The following RTN4 variants were observed in gnomAD, a reference collection of about 807,000 sequenced individuals.
The protein encoded by RTN4 is reticulon-4.
Under a neutral mutation model 90.4 loss-of-function variants are expected in RTN4, and 32 were observed. That is an observed-to-expected ratio of 0.35 (90% CI 0.27 to 0.48). The LOEUF (loss-of-function observed/expected upper bound fraction) is 0.48. Among genes scored for constraint, RTN4 ranks in the 20% least tolerant of loss-of-function variants. The probability of loss-of-function intolerance (pLI) is 0.99; values close to 1 mark genes in which losing one functional copy is unlikely to be tolerated. For synonymous variants in RTN4, 629 were observed against 552.5 expected (o/e 1.14, Z -1.94); for missense variants, 1,706 against 1,430.2 (o/e 1.19, Z -3.11).
the RTN4 span, among the ~76,000 whole-genome samples, chr2:55,132,563 G>A: frequency 6.7e-6 from 1 of 149,570 alleles, no homozygotes; most frequent in Non-Finnish European, 1.5e-5. Flanking sequence ...TATAATCCTA[G>A]CACTTTGGGA....
chr2:55,117,105 C>T (rs915844366), upstream of RTN4, among the ~76,000 whole-genome samples: 1 of 152,058 alleles, frequency 6.6e-6, no homozygotes, highest in Non-Finnish European at 1.5e-5. Context: ...AACTCCTGAC[C>T]CCAAGTGATC....
intron 1 of RTN4, chr2:55,049,455 C>A: frequency 2.1e-6 from 1 of 465,828 alleles, no homozygotes; most frequent in Admixed American, 3.8e-5. Flanking sequence ...GGGTGGGTGC[C>A]TAACTTCCGA....
At chr2:55,118,987 G>A in the RTN4 span, among the ~76,000 whole-genome samples, 2 of 152,222 alleles carry the variant, frequency 1.3e-5, no homozygotes, top group Admixed American at 1.3e-4. Context: ...AGGCTGATTT[G>A]TGTGTGAAGA....
At position 55,025,071 on chromosome 2, in the gene RTN4, T is replaced by C. The variant is rs201070007; in HGVS notation, c.3013+15A>G. On this transcript the variant is annotated intron_variant, in intron 3 of 8. Transcript: ENST00000337526. ...AGTGGCATGAAAGCACAAAACTGCA[T>C]ATAGATTGGATTACCTGAAGTTTTA... is the stretch of plus-strand genomic sequence containing the variant. 4 of 1,580,534 alleles carry C rather than the reference T, an allele frequency of 2.5e-6. No individual in the cohort carries two copies. The highest frequency in any genetic ancestry group is 2.3e-5 in the South Asian group (2 of 85,678).
chr2:55,104,455 A>T (rs574743436), intron 1 of RTN4, among the ~76,000 whole-genome samples: 1 of 151,414 alleles, frequency 6.6e-6, no homozygotes, highest in Non-Finnish European at 1.5e-5. Flanking sequence ...TGGGTTCATG[A>T]TTCTCGTGCT....
chr2:55,025,731 C>T lies in RTN4; in HGVS notation c.2368G>A (p.Ala790Thr), dbSNP rs201916819. The change falls in exon 3 of 9, where the codon GCT (alanine) becomes ACT (threonine). Residue 790 changes from alanine (A) to threonine (T), a missense_variant. By Grantham distance (58) the Ala-to-Thr change is moderately conservative. Coordinates refer to ENST00000337526, the MANE Select transcript of RTN4 (RefSeq NM_020532.5). ...IEYENKEKLSALPPEGGKPYL... is the reference protein window; with the variant it reads ...IEYENKEKLSTLPPEGGKPYL... ...GGCTTTCCTCCCTCAGGTGGCAAAG[C>T]ACTGAGTTTTTCCTTATTTTCATAT... 3 of 1,613,700 alleles carry T rather than the reference C, an allele frequency of 1.9e-6. No individual in the cohort carries two copies. In the Admixed American group the frequency reaches 5.0e-5, roughly 27 times the overall value.
intron 1 of RTN4, among the ~76,000 whole-genome samples, chr2:55,046,161 T>G (rs1269896796): frequency 1.3e-5 from 2 of 152,236 alleles, no homozygotes; most frequent in African/African-American, 4.8e-5. Context: ...CAGGCTAGTC[T>G]ATGCTTCTAA....
intron 1 of RTN4, among the ~76,000 whole-genome samples, chr2:55,101,249 C>T (rs1264830388): frequency 6.6e-6 from 1 of 151,916 alleles, no homozygotes; most frequent in Non-Finnish European, 1.5e-5. Flanking sequence ...CTACATATTC[C>T]TATAGTTTCT....
chr2:55,081,815 A>T (rs1418155095), intron 1 of RTN4, among the ~76,000 whole-genome samples: 1 of 148,614 alleles, frequency 6.7e-6, no homozygotes, highest in African/African-American at 2.5e-5. Flanking sequence ...TTGAGTTAAG[A>T]TCATACCACT....
rs1178024884 is a variant in RTN4, at chr2:55,019,353, TTG to T, written c.3013+5731_3013+5732del. Among the ~76,000 whole-genome samples the T allele has an allele frequency of 2.6e-5, 4 of 152,200 alleles. No individual in the cohort carries two copies. The East Asian group carries it at 7.7e-4, about 29-fold the overall frequency. On this transcript the variant is annotated intron_variant, in intron 3 of 8. Coordinates refer to ENST00000337526, the MANE Select transcript of RTN4 (RefSeq NM_020532.5). ...GTTTACTAAATTGGAGGGGCGAATT[TTG>T]ATAGGGAGCAGGATATCTGCATGTG...
At chr2:55,097,924 A>G (rs1026588781) in intron 1 of RTN4, among the ~76,000 whole-genome samples, 1 of 151,992 alleles carries the variant, frequency 6.6e-6, no homozygotes, top group Non-Finnish European at 1.5e-5. Flanking sequence ...AGAATGACAT[A>G]TGGAAGCCTT....
chr2:55,109,888 T>A (rs535552120), intron 1 of RTN4, among the ~76,000 whole-genome samples: 1 of 152,344 alleles, frequency 6.6e-6, no homozygotes, highest in African/African-American at 2.4e-5. Context: ...TGTAGAGGGA[T>A]ATTATTTATT....
At chr2:55,120,603 A>G in the RTN4 span, among the ~76,000 whole-genome samples, 2 of 152,050 alleles carry the variant, frequency 1.3e-5, no homozygotes, top group South Asian at 2.1e-4. Context: ...AAATGTCCAA[A>G]TGAGTTTTCT....
intron 1 of RTN4, among the ~76,000 whole-genome samples, chr2:55,089,523 T>C (rs1668900374): frequency 6.6e-6 from 1 of 152,216 alleles, no homozygotes; most frequent in South Asian, 2.1e-4. Flanking sequence ...TGCCAGGTAA[T>C]TAACGGATTT....
chr2:55,035,414 GA>G (rs903979415), intron 1 of RTN4, among the ~76,000 whole-genome samples: 1 of 151,522 alleles, frequency 6.6e-6, no homozygotes, highest in African/African-American at 2.4e-5. Context: ...AAAATAGGGG[GA>G]AAATTAAAGA....
chr2:55,052,294 A>G (rs2104991520), upstream of RTN4, among the ~76,000 whole-genome samples: 2 of 152,346 alleles, frequency 1.3e-5, no homozygotes, highest in African/African-American at 4.8e-5. Context: ...ATAATAGAGG[A>G]AACTGTGGTT....
At chr2:55,077,756 T>TACACACACAC (rs200121610) in intron 2 of RTN4, among the ~76,000 whole-genome samples, 6,226 of 144,368 alleles carry the variant, frequency 0.043, 151 homozygotes, top group East Asian at 0.087. Context: ...AAATGTTTTA[T>TACACACACAC]ACACACACAC....
At chr2:54,990,304 A>G (rs1324448279) in intron 3 of RTN4, among the ~76,000 whole-genome samples, 1 of 152,222 alleles carries the variant, frequency 6.6e-6, no homozygotes, top group Non-Finnish European at 1.5e-5. Flanking sequence ...ATAATAGGTA[A>G]CAAGGCGGTA....
the RTN4 span, among the ~76,000 whole-genome samples, chr2:55,122,640 G>C: frequency 6.6e-6 from 1 of 152,366 alleles, no homozygotes; most frequent in African/African-American, 2.4e-5. Flanking sequence ...GGCACAAGCA[G>C]GCAGTGTGCT....
Sources: gnomAD v4.1 joint callset for allele counts (sites outside exome capture counted in the v4.1 genomes callset) on GRCh38, gnomAD v4.1.1 for gene constraint, MANE v1.5 for transcripts, NCBI Gene and HGNC (gene_info 2026-07-23, HGNC 2026-07-21) for gene names.